Variants in IKZF1 observed in about 807,000 individuals in gnomAD.
IKZF1 encodes the protein DNA-binding protein Ikaros.
IKZF1 carries 10 observed loss-of-function variants against 51.7 expected under a neutral mutation model. The ratio of observed to expected loss-of-function variants is 0.19; its 90% CI spans 0.12 to 0.33. The LOEUF is 0.33. IKZF1 is among the 10% of genes least tolerant of loss of function. IKZF1 has a pLI of 1.00. For missense variants in IKZF1, 484 were observed against 707.5 expected (o/e 0.68, Z 3.58); for synonymous variants, 280 against 282.3 (o/e 0.99, Z 0.08).
chr7:50,343,275 C>T (rs992002540), intron 3 of IKZF1, among the ~76,000 whole-genome samples: 1 of 144,790 alleles, frequency 6.9e-6, no homozygotes, highest in Non-Finnish European at 1.5e-5. Flanking sequence ...TTCCTTCCTT[C>T]CTCTCTTCTT....
At chr7:50,399,035 A>G (rs535334756) in intron 7 of IKZF1, among the ~76,000 whole-genome samples, 2 of 152,252 alleles carry the variant, frequency 1.3e-5, no homozygotes, top group Non-Finnish European at 2.9e-5. Flanking sequence ...ATGGACTCCT[A>G]TGAACTGATG....
At chr7:50,379,365 T>C (rs1042005484) in intron 4 of IKZF1, among the ~76,000 whole-genome samples, 1 of 152,244 alleles carries the variant, frequency 6.6e-6, no homozygotes, top group African/African-American at 2.4e-5. Flanking sequence ...CTGAGAGGAT[T>C]CAGGGGCGGT....
intron 7 of IKZF1, among the ~76,000 whole-genome samples, chr7:50,395,512 G>A (rs1191268306): frequency 1.3e-5 from 2 of 152,050 alleles, no homozygotes; most frequent in African/African-American, 4.8e-5. Context: ...GAAAAATAAG[G>A]ACAGTATTCC....
chr7:50,322,878 G>A (rs549864560), intron 2 of IKZF1, among the ~76,000 whole-genome samples: 198 of 152,192 alleles, frequency 1.3e-3, no homozygotes, highest in African/African-American at 4.4e-3. Flanking sequence ...GATCTCTAAG[G>A]TTCCTCTGGC....
chr7:50,338,562 A>G (rs2153411418), intron 3 of IKZF1, among the ~76,000 whole-genome samples: 2 of 152,324 alleles, frequency 1.3e-5, no homozygotes, highest in South Asian at 2.1e-4. Context: ...CTGTCCCCCT[A>G]TCTGGTTAGG....
chr7:50,306,286 T>G (rs1362052643), intron 1 of IKZF1, among the ~76,000 whole-genome samples: 1 of 152,238 alleles, frequency 6.6e-6, no homozygotes, highest in Non-Finnish European at 1.5e-5. Flanking sequence ...CATGAACATA[T>G]TTCATACATT....
In IKZF1 at chr7:50,403,511, C is replaced by G. The variant is rs1434094654; in HGVS notation, c.*2884C>G. On this transcript the variant is annotated 3_prime_UTR_variant, in exon 8 of 8. Coordinates refer to ENST00000331340, the MANE Select transcript of IKZF1 (RefSeq NM_006060.6). ...AGTAATCGCTGTGTCTTGTTCCGCC[C>G]CCTCCCTGACACCCCAGCTTCCCAG... 2 of 229,200 alleles carry G rather than the reference C, an allele frequency of 8.7e-6. No homozygotes were observed. Among genetic ancestry groups the G allele is most frequent in the Non-Finnish European group, 1.7e-5 (2 of 115,564 alleles). 14.2% of individuals were successfully genotyped at this position (229,200 alleles called of 1,614,324 possible).
chr7:50,353,699 T>C (rs766278180), intron 3 of IKZF1, among the ~76,000 whole-genome samples: 37 of 152,228 alleles, frequency 2.4e-4, no homozygotes, highest in Non-Finnish European at 4.7e-4. Context: ...AACTGTGTCC[T>C]TTTTATTCAA....
At position 50,404,805 on chromosome 7, in the gene IKZF1, T is replaced by C. The variant is rs1818737448; in HGVS notation, c.*4178T>C. 1 of 227,900 alleles carries C rather than the reference T, an allele frequency of 4.4e-6. No homozygotes were observed. Among genetic ancestry groups the C allele is most frequent in the African/African-American group, 2.2e-5 (1 of 45,034 alleles). The allele number at this position is 227,900 out of a possible 1,614,324, so 14.1% of individuals were successfully genotyped here. A position where few individuals can be genotyped will look rare whatever the true frequency, so the allele number is the denominator to read the frequency against. On this transcript the variant is annotated 3_prime_UTR_variant, in exon 8 of 8. Coordinates refer to ENST00000331340, the MANE Select transcript of IKZF1 (RefSeq NM_006060.6). ...TTTCACTACCTTGTCTTTTACATAG[T>C]CATAAGAATTATCCTCAACATAGCC... is the stretch of plus-strand genomic sequence containing the variant.
At chr7:50,362,634 C>T (rs771257260) in intron 3 of IKZF1, among the ~76,000 whole-genome samples, 1 of 152,160 alleles carries the variant, frequency 6.6e-6, no homozygotes, top group African/African-American at 2.4e-5. Context: ...AAGGTTCACC[C>T]TTACTATTGC....
At chr7:50,382,372 A>G (rs1338594168) in intron 4 of IKZF1, among the ~76,000 whole-genome samples, 168 bp from the exon 5 acceptor site, 1 of 152,230 alleles carries the variant, frequency 6.6e-6, no homozygotes, top group Admixed American at 6.5e-5. Flanking sequence ...TGACCCAGCC[A>G]GTGAAGCGTT....
At chr7:50,398,667 C>T (rs1277967724) in intron 7 of IKZF1, among the ~76,000 whole-genome samples, 3 of 152,206 alleles carry the variant, frequency 2.0e-5, no homozygotes, top group Admixed American at 6.5e-5. Flanking sequence ...GGACCATTCT[C>T]ACTTACTCAC....
At chr7:50,380,068 C>T (rs894425972) in intron 4 of IKZF1, among the ~76,000 whole-genome samples, 1 of 152,206 alleles carries the variant, frequency 6.6e-6, no homozygotes, top group African/African-American at 2.4e-5. Flanking sequence ...TGGACCCCGG[C>T]CACGCAAGAA....
At chr7:50,382,734 C>A in intron 5 of IKZF1, 27 bp downstream of exon 5, 1 of 1,587,638 alleles carries the variant, frequency 6.3e-7, no homozygotes, top group South Asian at 1.1e-5. Context: ...CAGTCCGGGG[C>A]TGTCTGGGTG....
At chr7:50,303,824 C>G (rs1436863113), upstream of IKZF1, among the ~76,000 whole-genome samples, 1 of 150,470 alleles carries the variant, frequency 6.6e-6, no homozygotes, top group Non-Finnish European at 1.5e-5. The surrounding 1 kb of genome is among the most constrained non-coding windows in gnomAD (Gnocchi z 4.7). Context: ...GTGGCGGGCC[C>G]GGCGGCGCGC....
intron 1 of IKZF1, among the ~76,000 whole-genome samples, chr7:50,311,987 G>T (rs1790288747): frequency 1.3e-5 from 2 of 152,186 alleles, no homozygotes; most frequent in African/African-American, 4.8e-5. Flanking sequence ...CCTGGGGCAT[G>T]TCTGTGTGGA....
In IKZF1 at chr7:50,403,099, G is replaced by T; in HGVS notation, c.*2472G>T. On this transcript the variant is annotated 3_prime_UTR_variant, in exon 8 of 8. Coordinates refer to ENST00000331340, the MANE Select transcript of IKZF1 (RefSeq NM_006060.6). ...CAGGAATTCTTTTCTAAACTGCTTT[G>T]CCCTTTCCTCTCACTGCCTTTTATA... 4.5e-6 allele frequency: 1 copy of T among 223,166 alleles called. No homozygotes were observed. Among genetic ancestry groups the T allele is most frequent in the Non-Finnish European group, 8.9e-6 (1 of 111,746 alleles). 13.8% of individuals were successfully genotyped at this position (223,166 alleles called of 1,614,324 possible).
intron 3 of IKZF1, among the ~76,000 whole-genome samples, chr7:50,371,865 C>T (rs1011373203): frequency 7.2e-5 from 11 of 152,336 alleles, no homozygotes; most frequent in South Asian, 4.1e-4. Context: ...GACTACAGGA[C>T]GCTGTCACCC....
chr7:50,365,518 A>G (rs375466062), intron 3 of IKZF1, among the ~76,000 whole-genome samples: 2 of 152,246 alleles, frequency 1.3e-5, no homozygotes, highest in East Asian at 1.9e-4. Flanking sequence ...TGTGGCCCAC[A>G]ATCATATGAA....
Sources: gnomAD v4.1 joint callset for allele counts (sites outside exome capture counted in the v4.1 genomes callset) on GRCh38, gnomAD v4.1.1 for gene constraint, Gnocchi (gnomAD v3.1) non-coding constraint, MANE v1.5 for transcripts, NCBI Gene and HGNC (gene_info 2026-07-23, HGNC 2026-07-21) for gene names.